The following NEO1 variants were observed in gnomAD, a reference collection of about 807,000 sequenced individuals.
NEO1 encodes neogenin 1.
Under a neutral mutation model 159.7 loss-of-function variants are expected in NEO1, and 63 were observed. The ratio of observed to expected loss-of-function variants is 0.39; its 90% CI spans 0.32 to 0.49. The LOEUF is 0.49. Ranked by LOEUF, NEO1 falls within the 20% of genes least tolerant of loss-of-function variation. The pLI is 0.85. For synonymous variants in NEO1, 633 were observed against 662.0 expected (o/e 0.96, Z 0.67); for missense variants, 1,615 against 1,831.0 (o/e 0.88, Z 2.15).
chr15:73,060,946 C>T (rs2067946911), intron 1 of NEO1, among the ~76,000 whole-genome samples: 2 of 152,206 alleles, frequency 1.3e-5, no homozygotes, highest in African/African-American at 4.8e-5. Flanking sequence ...CTGCACTGGC[C>T]TAACCTGTTT....
intron 7 of NEO1, among the ~76,000 whole-genome samples, chr15:73,195,253 G>T (rs1166988002): frequency 6.6e-6 from 1 of 152,182 alleles, no homozygotes; most frequent in Non-Finnish European, 1.5e-5. Context: ...CCAGAAGGAA[G>T]ATAGTATGTC....
At chr15:73,148,916 T>C (rs2033146062) in intron 5 of NEO1, among the ~76,000 whole-genome samples, 1 of 149,142 alleles carries the variant, frequency 6.7e-6, no homozygotes, top group East Asian at 2.0e-4. Context: ...ATATTTAAAA[T>C]AGATAAACAT....
intron 1 of NEO1, among the ~76,000 whole-genome samples, chr15:73,105,312 G>A (rs2070630525): frequency 6.6e-6 from 1 of 152,158 alleles, no homozygotes; most frequent in African/African-American, 2.4e-5. Context: ...CAGGGCATTG[G>A]ATTTCTTGAG....
chr15:73,231,797 G>A (rs572454814), intron 7 of NEO1, among the ~76,000 whole-genome samples: 1 of 152,096 alleles, frequency 6.6e-6, no homozygotes, highest in Non-Finnish European at 1.5e-5. Flanking sequence ...CAAAACAAAC[G>A]AGAAACTCTA....
intron 7 of NEO1, among the ~76,000 whole-genome samples, chr15:73,232,800 T>C (rs1255567746): frequency 6.6e-6 from 1 of 152,282 alleles, no homozygotes; most frequent in East Asian, 1.9e-4. Flanking sequence ...GCTCCTCTAA[T>C]TGACAACACT....
At chr15:73,092,054 G>A (rs939222353) in intron 1 of NEO1, among the ~76,000 whole-genome samples, 1 of 152,126 alleles carries the variant, frequency 6.6e-6, no homozygotes, top group Non-Finnish European at 1.5e-5. Flanking sequence ...AATTACATGG[G>A]TAATCTCCAA....
chr15:73,290,791 A>G (rs1406159814), intron 25 of NEO1, among the ~76,000 whole-genome samples: 1 of 152,132 alleles, frequency 6.6e-6, no homozygotes, highest in African/African-American at 2.4e-5. Context: ...TCTGTCAACA[A>G]ACGATGCGAT....
At chr15:73,142,781 A>C (rs1487689583) in intron 5 of NEO1, among the ~76,000 whole-genome samples, 1 of 152,244 alleles carries the variant, frequency 6.6e-6, no homozygotes, top group Non-Finnish European at 1.5e-5. Flanking sequence ...GCAGCGCAAC[A>C]GCAAGAATGT....
intron 5 of NEO1, among the ~76,000 whole-genome samples, chr15:73,138,600 C>T (rs1029677925): frequency 6.6e-6 from 1 of 151,842 alleles, no homozygotes; most frequent in African/African-American, 2.4e-5. Context: ...ACTAAAAATA[C>T]AAAAAAATTA....
rs11320847 is a variant in NEO1, at chr15:73,091,738, C to CT, written c.131-24784dup. Among the ~76,000 whole-genome samples the CT allele has an allele frequency of 3.8e-3, 485 of 127,410 alleles. 2 individuals are homozygous for CT. The highest frequency in any genetic ancestry group is 0.03 in the Middle Eastern group (7 of 234). 83.6% of individuals were successfully genotyped at this position (127,410 alleles called of 152,430 possible). ...ACCACCACACCTGGCTAATTTTACACTTTTTTTTTTTTTTTTTTGCAGAGA... is the reference window on the plus strand; with the variant it reads ...ACCACCACACCTGGCTAATTTTACACTTTTTTTTTTTTTTTTTTTGCAGAGA... On this transcript the variant is annotated intron_variant, in intron 1 of 28. Coordinates refer to ENST00000261908, the MANE Select transcript of NEO1 (RefSeq NM_002499.4).
At chr15:73,070,020 G>A (rs571850231) in intron 1 of NEO1, among the ~76,000 whole-genome samples, 1 of 152,270 alleles carries the variant, frequency 6.6e-6, no homozygotes, top group South Asian at 2.1e-4. Flanking sequence ...AAGGAAAATG[G>A]CTAGCTTCAA....
intron 26 of NEO1, among the ~76,000 whole-genome samples, chr15:73,297,207 G>A (rs368755596): frequency 1.3e-5 from 2 of 152,200 alleles, no homozygotes; most frequent in South Asian, 2.1e-4. Flanking sequence ...GTGGAAAGGT[G>A]TGTGGTGGTC....
chr15:73,222,400 G>A (rs1227169954), intron 7 of NEO1, among the ~76,000 whole-genome samples: 3 of 151,800 alleles, frequency 2.0e-5, no homozygotes, highest in Non-Finnish European at 4.4e-5. Context: ...CACCGTGCCT[G>A]GCGGTAATTT....
chr15:73,253,370 AAAAT>A, intron 11 of NEO1, 26 bp from the exon 12 acceptor site: 1 of 1,441,460 alleles, frequency 6.9e-7, no homozygotes, highest in Non-Finnish European at 9.5e-7. Flanking sequence ...GATTAAAAAA[AAAAT>A]TTTTTTTTTT....
rs565948726 is a variant in NEO1 at position 73,293,481 on chromosome 15, C to T, written c.3834C>T (p.Leu1278=). 6.2e-7 allele frequency: 1 copy of T among 1,614,214 alleles called. No individual in the cohort carries two copies. The highest frequency in any genetic ancestry group is 1.1e-5 in the South Asian group (1 of 91,082). ...SSLASPARSH[L]YHPGSPWPIG... ...TCGCTTCTCCAGCTCGCAGTCATCTCTACCACCCGGGCAGCCCATGGCCCA... is the reference window on the plus strand; with the variant it reads ...TCGCTTCTCCAGCTCGCAGTCATCTTTACCACCCGGGCAGCCCATGGCCCA... The change falls in exon 26 of 29, where the codon CTC becomes CTT. Residue 1278 remains leucine, a synonymous_variant. Coordinates refer to ENST00000261908, the MANE Select transcript of NEO1 (RefSeq NM_002499.4).
At chr15:73,135,754 A>G (rs2151745465) in intron 4 of NEO1, 137 bp from the exon 5 acceptor site, 2 of 724,932 alleles carry the variant, frequency 2.8e-6, no homozygotes, top group East Asian at 6.6e-5. Flanking sequence ...GTAATTTTAT[A>G]TTAGTCTTGG....
intron 23 of NEO1, among the ~76,000 whole-genome samples, chr15:73,284,940 A>AT (rs1210021730): frequency 2.7e-5 from 4 of 150,170 alleles, no homozygotes; most frequent in South Asian, 2.1e-4. Context: ...CAAAGACTAC[A>AT]TTTTTTTTTC....
intron 23 of NEO1, among the ~76,000 whole-genome samples, chr15:73,285,778 G>T (rs1300638959): frequency 1.3e-5 from 2 of 152,072 alleles, no homozygotes; most frequent in Non-Finnish European, 2.9e-5. Context: ...TCATGAAGAA[G>T]GCAGAAGCTG....
At chr15:73,153,646 T>A (rs760074640) in intron 5 of NEO1, among the ~76,000 whole-genome samples, 2 of 152,244 alleles carry the variant, frequency 1.3e-5, no homozygotes, top group Non-Finnish European at 2.9e-5. Context: ...TGATTTCCAA[T>A]GATTACGTAA....
Sources: allele counts gnomAD v4.1 joint callset (sites outside exome capture counted in the v4.1 genomes callset), GRCh38; gene constraint gnomAD v4.1.1; transcripts MANE v1.5; gene names NCBI Gene and HGNC (gene_info 2026-07-23, HGNC 2026-07-21).